PSORS1C1: variants seen among roughly 807,000 people sequenced by gnomAD.
The protein encoded by PSORS1C1 is psoriasis susceptibility 1 candidate gene 1 protein.
A neutral mutation model predicts 9.4 loss-of-function variants in PSORS1C1; 7 were observed. The ratio of observed to expected loss-of-function variants is 0.75; its 90% confidence interval spans 0.42 to 1.40. PSORS1C1 has a LOEUF of 1.40. Among genes scored for constraint, PSORS1C1 ranks in the 40% most tolerant of loss-of-function variants. The pLI is 0.01. For missense variants in PSORS1C1, 146 were observed against 178.1 expected (o/e 0.82, Z 1.02); for synonymous variants, 63 against 69.4 (o/e 0.91, Z 0.46).
intron 3 of PSORS1C1, among the ~76,000 whole-genome samples, chr6:31,137,102 C>A (rs1412559929): frequency 2.7e-5 from 4 of 150,814 alleles, no homozygotes; most frequent in Non-Finnish European, 5.9e-5. Context: ...GAGCCGAGAT[C>A]GTGCCATTGC....
intron 3 of PSORS1C1, among the ~76,000 whole-genome samples, chr6:31,134,208 T>C (rs1773041029): frequency 6.6e-6 from 1 of 151,952 alleles, no homozygotes; most frequent in Non-Finnish European, 1.5e-5. Flanking sequence ...CTCGAACTCC[T>C]GACCTCAGGT....
intron 3 of PSORS1C1, among the ~76,000 whole-genome samples, chr6:31,131,937 A>G (rs1772934394): frequency 6.6e-6 from 1 of 152,228 alleles, no homozygotes; most frequent in South Asian, 2.1e-4. Context: ...GATTCAAGTA[A>G]AAGAGATTTA....
intron 1 of PSORS1C1, chr6:31,118,356 C>T (rs1483959869): frequency 6.6e-6 from 1 of 152,560 alleles, no homozygotes; most frequent in Non-Finnish European, 1.5e-5. Flanking sequence ...GGGTCACTAC[C>T]TGTTGCTTCA....
intron 1 of PSORS1C1, among the ~76,000 whole-genome samples, chr6:31,118,991 C>T (rs1303038993): frequency 2.0e-5 from 3 of 151,600 alleles, no homozygotes; most frequent in Middle Eastern, 3.4e-3. Flanking sequence ...CACAGGTGCC[C>T]GCCACCACAC....
At chr6:31,130,383 C>T (rs1478105929) in intron 3 of PSORS1C1, among the ~76,000 whole-genome samples, 1 of 150,656 alleles carries the variant, frequency 6.6e-6, no homozygotes, top group African/African-American at 2.4e-5. Flanking sequence ...GCTGGGACTA[C>T]AGGCATGCAC....
intron 1 of PSORS1C1, chr6:31,117,178 G>A (rs779856506): frequency 6.2e-7 from 1 of 1,612,032 alleles, no homozygotes; most frequent in Non-Finnish European, 8.5e-7. Flanking sequence ...TCCCGAGTGA[G>A]AGCCGCTGTT....
At chr6:31,137,910 G>A (rs774997575) in intron 3 of PSORS1C1, 1 of 991,870 alleles carries the variant, frequency 1.0e-6, no homozygotes, top group Admixed American at 3.2e-5. Flanking sequence ...GGGCGTGGGT[G>A]CCTGGAGATG....
Position 31,139,256 on chromosome 6 carries a change from T to G in PSORS1C1, c.168-385T>G, listed in dbSNP as rs1268945280. The G allele has an allele frequency of 1.7e-6, 1 of 586,324 alleles. No homozygotes were observed. The highest frequency in any genetic ancestry group is 1.9e-5 in the African/African-American group (1 of 53,630). The allele number at this position is 586,324 out of a possible 1,614,324, so 36.3% of individuals were successfully genotyped here. On this transcript the variant is annotated intron_variant, in intron 5 of 5. Coordinates refer to ENST00000259881, the MANE Select transcript of PSORS1C1 (RefSeq NM_014068.3). The surrounding 1 kb of genome is among the most constrained non-coding windows in gnomAD (Gnocchi z 5.2). ...AGGACCCAGCTGCCTGCTCTCCCTATCATGACCCAGAGCCTGCGTCACCCC... is the reference window on the plus strand; with the variant it reads ...AGGACCCAGCTGCCTGCTCTCCCTAGCATGACCCAGAGCCTGCGTCACCCC...
chr6:31,140,051 C>T lies in PSORS1C1; in HGVS notation c.*119C>T. Reference sequence around the variant, plus strand: ...TTGATTCCTCCCAGGTTGTTCCCTGCCTGGTCCGCTACCCCACAGTAAGGA... The same window carrying T: ...TTGATTCCTCCCAGGTTGTTCCCTGTCTGGTCCGCTACCCCACAGTAAGGA... On this transcript the variant is annotated 3_prime_UTR_variant, in exon 6 of 6. Transcript: ENST00000259881. The surrounding 1 kb of genome is among the most constrained non-coding windows in gnomAD (Gnocchi z 4.6). 1 of 923,248 alleles carries T rather than the reference C, an allele frequency of 1.1e-6. No individual in the cohort carries two copies. Among genetic ancestry groups the T allele is most frequent in the South Asian group, 1.6e-5 (1 of 64,014 alleles). The allele number at this position is 923,248 out of a possible 1,614,324, so 57.2% of individuals were successfully genotyped here. A position where few individuals can be genotyped will look rare whatever the true frequency, so the allele number is the denominator to read the frequency against.
In PSORS1C1 at chr6:31,115,203, C is replaced by A. The variant is rs1006393280; in HGVS notation, c.-229+312C>A. 6 of 302,538 alleles carry A rather than the reference C, an allele frequency of 2.0e-5. No homozygotes were observed. Among genetic ancestry groups the A allele is most frequent in the African/African-American group, 8.8e-5 (4 of 45,442 alleles). 18.7% of individuals were successfully genotyped at this position (302,538 alleles called of 1,614,324 possible). A position where few individuals can be genotyped will look rare whatever the true frequency, so the allele number is the denominator to read the frequency against. ...TGAGGAACACAGAGACCTCTAGAGGCGTAGGAAGAGCACCACCCAGACTCT... is the reference window on the plus strand; with the variant it reads ...TGAGGAACACAGAGACCTCTAGAGGAGTAGGAAGAGCACCACCCAGACTCT... On this transcript the variant is annotated intron_variant, in intron 1 of 5. Coordinates refer to ENST00000259881, the MANE Select transcript of PSORS1C1 (RefSeq NM_014068.3). The surrounding 1 kb of genome is among the most constrained non-coding windows in gnomAD (Gnocchi z 4.2).
chr6:31,117,412 T>C (rs1382472557), intron 1 of PSORS1C1: 3 of 1,566,602 alleles, frequency 1.9e-6, no homozygotes, highest in Non-Finnish European at 2.6e-6. Flanking sequence ...GGAGCCACTG[T>C]AGCTACTGAA....
chr6:31,116,124 G>A, intron 1 of PSORS1C1: 1 of 1,611,058 alleles, frequency 6.2e-7, no homozygotes, highest in Non-Finnish European at 8.5e-7. Context: ...CCCGGATGGA[G>A]CGGCAGGGGA....
chr6:31,134,593 C>T (rs1303168421), intron 3 of PSORS1C1, among the ~76,000 whole-genome samples: 4 of 152,164 alleles, frequency 2.6e-5, no homozygotes, highest in Non-Finnish European at 4.4e-5. Context: ...GCGTGAGCCA[C>T]CGCGCCTGGC....
At chr6:31,116,179 G>T (rs1199824552) in intron 1 of PSORS1C1, 2 of 1,612,480 alleles carry the variant, frequency 1.2e-6, no homozygotes, top group South Asian at 1.1e-5. Flanking sequence ...ACCAGCGGAG[G>T]GATCAGGATG....
intron 2 of PSORS1C1, 48 bp from the exon 3 acceptor site, chr6:31,129,521 C>A: frequency 1.3e-6 from 1 of 753,294 alleles, no homozygotes; most frequent in South Asian, 1.4e-5. Context: ...TCTCCAATTG[C>A]CTCATGCCTC....
At chr6:31,117,050 G>A (rs750948555) in intron 1 of PSORS1C1, 2 of 1,614,258 alleles carry the variant, frequency 1.2e-6, no homozygotes, top group Non-Finnish European at 8.5e-7. Flanking sequence ...GGCTGGGAAG[G>A]GTTTAGTATT....
At chr6:31,137,666 G>A (rs1773211787) in intron 3 of PSORS1C1, 1 of 364,976 alleles carries the variant, frequency 2.7e-6, no homozygotes, top group Non-Finnish European at 4.9e-6. Context: ...GCGCGGGCAG[G>A]AAGACCGGGT....
chr6:31,133,122 G>C (rs1440852563), intron 3 of PSORS1C1, among the ~76,000 whole-genome samples: 1 of 152,126 alleles, frequency 6.6e-6, no homozygotes, highest in Non-Finnish European at 1.5e-5. Flanking sequence ...TGTTGGGAGT[G>C]ATTTAGCACT....
rs764501382 is a variant in PSORS1C1 at position 31,139,691 on chromosome 6, C to T, written c.218C>T (p.Ala73Val). Reference sequence around the variant, plus strand: ...ATATCCAAGGAATTCCATCTGGCAGCCACCCAGGATGACTGCAGAAAAGGA... The same window carrying T: ...ATATCCAAGGAATTCCATCTGGCAGTCACCCAGGATGACTGCAGAAAAGGA... ...AMISKEFHLA[A>V]TQDDCRKGRT... The change falls in exon 6 of 6, where the codon GCC (alanine) becomes GTC (valine). Residue 73 changes from alanine to valine, a missense_variant. Ala to Val is a moderately conservative substitution (Grantham distance 64). Coordinates refer to ENST00000259881, the MANE Select transcript of PSORS1C1 (RefSeq NM_014068.3). The surrounding 1 kb of genome is among the most constrained non-coding windows in gnomAD (Gnocchi z 5.2). 3.7e-6 allele frequency: 6 copies of T among 1,612,840 alleles called. No individual in the cohort carries two copies. The highest frequency in any genetic ancestry group is 5.1e-6 in the Non-Finnish European group (6 of 1,179,952).
Sources: gnomAD v4.1 joint callset for allele counts (sites outside exome capture counted in the v4.1 genomes callset) on GRCh38, gnomAD v4.1.1 for gene constraint, Gnocchi (gnomAD v3.1) non-coding constraint, MANE v1.5 for transcripts, NCBI Gene and HGNC (gene_info 2026-07-23, HGNC 2026-07-21) for gene names.